Variants in DNAAF3 observed in about 807,000 individuals in gnomAD.
DNAAF3 encodes the protein dynein axonemal assembly factor 3.
In DNAAF3, 40 loss-of-function variants were observed where a neutral mutation model predicts 50.9. The ratio of observed to expected loss-of-function variants is 0.79; its 90% CI spans 0.61 to 1.02. The LOEUF (loss-of-function observed/expected upper bound fraction) is 1.02, where lower values mean the gene tolerates loss of function less well. Ranked by LOEUF, DNAAF3 falls within the 50% of genes least tolerant of loss-of-function variation. DNAAF3 has a pLI of 0.00. For missense variants in DNAAF3, 763 were observed against 744.7 expected (o/e 1.02, Z -0.29); for synonymous variants, 327 against 322.8 (o/e 1.01, Z -0.14).
rs1252911163 is a variant in DNAAF3, at chr19:55,166,543, G to A, written c.-25C>T. 13 of 1,613,906 alleles carry A rather than the reference G, an allele frequency of 8.1e-6. No individual in the cohort carries two copies. Among genetic ancestry groups the A allele is most frequent in the Non-Finnish European group, 1.1e-5 (13 of 1,180,012 alleles). ...CACACCTTTATCCTCCAAATATCCC[G>A]GGACGCCCCTTCCTCTCTGCTCAGT... On this transcript the variant is annotated 5_prime_UTR_variant, in exon 1 of 12. Transcript: ENST00000524407. The surrounding 1 kb of genome is among the most constrained non-coding windows in gnomAD (Gnocchi z 4.0).
rs1230806450 is a variant in DNAAF3, at chr19:55,160,416, G to C, written c.1048+224C>G. On this transcript the variant is annotated intron_variant, in intron 9 of 11. Transcript: ENST00000524407. The surrounding 1 kb of genome is among the most constrained non-coding windows in gnomAD (Gnocchi z 4.7). ...CCCAGCACCCTGTGAGAATATTCTT[G>C]GATAGCTTAGCCCTCTGCAGATAAG... is the stretch of plus-strand genomic sequence containing the variant. Among the ~76,000 whole-genome samples, 1 of 152,150 alleles carries C rather than the reference G, an allele frequency of 6.6e-6. No individual in the cohort carries two copies. Among genetic ancestry groups the C allele is most frequent in the Non-Finnish European group, 1.5e-5 (1 of 68,006 alleles).
Position 55,160,009 on chromosome 19 carries a change from G to A in DNAAF3, c.1053C>T (p.Ala351=). The A allele has an allele frequency of 6.3e-7, 1 of 1,596,058 alleles. No individual in the cohort carries two copies. The highest frequency in any genetic ancestry group is 8.6e-7 in the Non-Finnish European group (1 of 1,165,570). The change falls in exon 10 of 12, where the codon GCC becomes GCT. Residue 351 remains alanine (A), a synonymous_variant. Transcript: ENST00000524407. This position sits in a 1 kb window ranked among gnomAD's most constrained non-coding sequence, Gnocchi z 4.7. ...GGACGGTGAAAGATTCCGGGGTCGG[G>A]GCTGCTGGGGGAAGGGGATAGAGGG... The part of the protein sequence containing the change: ...EGSPEPGTPA[A]PTPESFTVHF...
At chr19:55,164,063 G>C (rs1307112651) in intron 4 of DNAAF3, among the ~76,000 whole-genome samples, 1 of 152,120 alleles carries the variant, frequency 6.6e-6, no homozygotes, top group Admixed American at 6.6e-5. Flanking sequence ...TGCCTCTCTT[G>C]CCCCTTTTCC....
In DNAAF3 at chr19:55,159,278, T is replaced by A; in HGVS notation, c.1410A>T (p.Glu470Asp). 1 of 1,614,004 alleles carries A rather than the reference T, an allele frequency of 6.2e-7. No homozygotes were observed. The highest frequency in any genetic ancestry group is 8.5e-7 in the Non-Finnish European group (1 of 1,180,026). ...SALGNTVPAV[E>D]PGTPPLDILA... Reference sequence around the variant, plus strand: ...GGATGTCAAGGGGCGGAGTTCCGGGTTCCACAGCTGGGACAGTGTTGCCCA... The same window carrying A: ...GGATGTCAAGGGGCGGAGTTCCGGGATCCACAGCTGGGACAGTGTTGCCCA... The change falls in exon 12 of 12, where the codon GAA (glutamate) becomes GAT (aspartate). Residue 470 changes from glutamate (E) to aspartate (D), a missense_variant. By Grantham distance (45) the Glu-to-Asp change is conservative. Coordinates refer to ENST00000524407, the MANE Select transcript of DNAAF3 (RefSeq NM_001256715.2).
At position 55,161,714 on chromosome 19, in the gene DNAAF3, G is replaced by A; in HGVS notation, c.592C>T (p.Leu198=). The A allele has an allele frequency of 6.5e-7, 1 of 1,541,556 alleles. No homozygotes were observed. Among genetic ancestry groups the A allele is most frequent in the Non-Finnish European group, 8.7e-7 (1 of 1,146,576 alleles). The part of the protein sequence containing the change: ...RLWDSRLRHY[L]GSRYDARRGV... Reference sequence around the variant, plus strand: ...CGCCGGGCGTCGTAGCGGGAGCCCAGGTAGTGGCGCAGGCGCGAGTCCCAG... The same window carrying A: ...CGCCGGGCGTCGTAGCGGGAGCCCAAGTAGTGGCGCAGGCGCGAGTCCCAG... The change falls in exon 6 of 12, where the codon CTG becomes TTG. Residue 198 remains leucine (L), a synonymous_variant. Coordinates refer to ENST00000524407, the MANE Select transcript of DNAAF3 (RefSeq NM_001256715.2). This position sits in a 1 kb window ranked among gnomAD's most constrained non-coding sequence, Gnocchi z 6.4.
chr19:55,163,086 T>C (rs1316704831), intron 4 of DNAAF3, among the ~76,000 whole-genome samples: 2 of 135,850 alleles, frequency 1.5e-5, no homozygotes, highest in Non-Finnish European at 3.1e-5. Flanking sequence ...CCCGGCTCAC[T>C]GCAAGCTCCG....
chr19:55,161,706 G>A lies in DNAAF3; in HGVS notation c.600C>T (p.Ser200=), dbSNP rs1388515393. Reference sequence around the variant, plus strand: ...TGACACCGCGCCGGGCGTCGTAGCGGGAGCCCAGGTAGTGGCGCAGGCGCG... The same window carrying A: ...TGACACCGCGCCGGGCGTCGTAGCGAGAGCCCAGGTAGTGGCGCAGGCGCG... ...WDSRLRHYLG[S]RYDARRGVSD... Residue 200 remains serine (S), a synonymous_variant, in exon 6 of 12, where the codon TCC becomes TCT. Coordinates refer to ENST00000524407, the MANE Select transcript of DNAAF3 (RefSeq NM_001256715.2). This position sits in a 1 kb window ranked among gnomAD's most constrained non-coding sequence, Gnocchi z 6.4. 5 of 1,541,474 alleles carry A rather than the reference G, an allele frequency of 3.2e-6. No individual in the cohort carries two copies. The East Asian group carries it at 9.8e-5, about 30-fold the overall frequency.
Position 55,166,313 on chromosome 19 carries a change from G to A in DNAAF3, c.85+16C>T. Reference sequence around the variant, plus strand: ...GAAGGCAGACGGTGTATCAGACCTTGCGTGCTGGGACTCACTTTCAGCCTG... The same window carrying A: ...GAAGGCAGACGGTGTATCAGACCTTACGTGCTGGGACTCACTTTCAGCCTG... On this transcript the variant is annotated intron_variant, in intron 2 of 11. Transcript: ENST00000524407. The surrounding 1 kb of genome is among the most constrained non-coding windows in gnomAD (Gnocchi z 4.0). The A allele has an allele frequency of 6.2e-7, 1 of 1,612,332 alleles. No homozygotes were observed.
At chr19:55,165,580 C>T in intron 3 of DNAAF3, 117 bp from the exon 4 acceptor site, 1 of 1,053,540 alleles carries the variant, frequency 9.5e-7, no homozygotes, top group African/African-American at 1.6e-5. Context: ...GTACACCAGC[C>T]TCTTCCTTCA....
rs753871688 is a variant in DNAAF3 at position 55,161,177 on chromosome 19, C to T, written c.800G>A (p.Arg267His). 5 of 1,568,954 alleles carry T rather than the reference C, an allele frequency of 3.2e-6. No homozygotes were observed. The highest frequency in any genetic ancestry group is 1.4e-5 in the African/African-American group (1 of 73,690). Residue 267 changes from arginine to histidine, a missense_variant, in exon 8 of 12, where the codon CGC becomes CAC. Coordinates refer to ENST00000524407, the MANE Select transcript of DNAAF3 (RefSeq NM_001256715.2). The surrounding 1 kb of genome is among the most constrained non-coding windows in gnomAD (Gnocchi z 6.4). ...SGRLLSYRGE[R>H]VAARGYWGDI... ...CCCCCAGTACCCGCGCGCTGCCACG[C>T]GCTCCCCACGCTGGAAAAGGAGGGA...
Position 55,158,945 on chromosome 19 carries a change from T to G in DNAAF3, c.*117A>C, listed in dbSNP as rs2085766826. On this transcript the variant is annotated 3_prime_UTR_variant, in exon 12 of 12. Transcript: ENST00000524407. The stretch of plus-strand genomic sequence containing the variant: ...CGGGGTGGGGGTGGCGGGTACTGAG[T>G]GGGAATGATTAGAATAAAATTGAGG... The G allele has an allele frequency of 4.1e-6, 5 of 1,209,412 alleles. No individual in the cohort carries two copies. The highest frequency in any genetic ancestry group is 5.2e-5 in the Admixed American group (2 of 38,488). The allele number at this position is 1,209,412 out of a possible 1,614,324, so 74.9% of individuals were successfully genotyped here.
At chr19:55,165,186 G>T (rs1315591240) in intron 4 of DNAAF3, among the ~76,000 whole-genome samples, 184 bp downstream of exon 4, 1 of 151,660 alleles carries the variant, frequency 6.6e-6, no homozygotes, top group Admixed American at 6.6e-5. Context: ...GTGAGCCACC[G>T]CGCCCGGCCG....
At chr19:55,163,632 C>G (rs368119453) in intron 4 of DNAAF3, among the ~76,000 whole-genome samples, 1 of 152,290 alleles carries the variant, frequency 6.6e-6, no homozygotes, top group Admixed American at 6.5e-5. Flanking sequence ...ATCCTTGGAT[C>G]TTGGTATCTG....
Position 55,161,412 on chromosome 19 carries a change from C to T in DNAAF3, c.670G>A (p.Val224Ile). Residue 224 changes from valine to isoleucine, a missense_variant, in exon 7 of 12, where the codon GTC becomes ATC. By Grantham distance (29) the Val-to-Ile change is conservative. Coordinates refer to ENST00000524407, the MANE Select transcript of DNAAF3 (RefSeq NM_001256715.2). The surrounding 1 kb of genome is among the most constrained non-coding windows in gnomAD (Gnocchi z 6.4). Reference sequence around the variant, plus strand: ...CGTCGGAACTCCTGGGGGTGAATGACTTGAGCCTGGGGTGGGGGGCGGGAA... The same window carrying T: ...CGTCGGAACTCCTGGGGGTGAATGATTTGAGCCTGGGGTGGGGGGCGGGAA... ...RMKLHDRGAQ[V>I]IHPQEFRRWR... is the part of the protein sequence containing the mutation. 1 of 1,532,278 alleles carries T rather than the reference C, an allele frequency of 6.5e-7. No homozygotes were observed. Among genetic ancestry groups the T allele is most frequent in the Non-Finnish European group, 8.8e-7 (1 of 1,142,812 alleles). 94.9% of individuals were successfully genotyped at this position (1,532,278 alleles called of 1,614,324 possible). A position where few individuals can be genotyped will look rare whatever the true frequency, so the allele number is the denominator to read the frequency against.
At position 55,161,595 on chromosome 19, in the gene DNAAF3, C is replaced by T. The variant is rs748484002; in HGVS notation, c.663+48G>A. ...TCAGGAGGCCCCCAGCCCCTCCTCC[C>T]TCAGACCCAGGGGTCCAGGCCCCCA... On this transcript the variant is annotated intron_variant, in intron 6 of 11. Transcript: ENST00000524407. The surrounding 1 kb of genome is among the most constrained non-coding windows in gnomAD (Gnocchi z 6.4). 3.3e-6 allele frequency: 5 copies of T among 1,502,342 alleles called. No individual in the cohort carries two copies. In the African/African-American group the frequency reaches 5.6e-5, roughly 17 times the overall value. The allele number at this position is 1,502,342 out of a possible 1,614,324, so 93.1% of individuals were successfully genotyped here.
At chr19:55,165,785 AG>A in intron 3 of DNAAF3, 72 bp downstream of exon 3, 1 of 1,559,388 alleles carries the variant, frequency 6.4e-7, no homozygotes, top group South Asian at 1.2e-5. Context: ...CCTGGACCTG[AG>A]GTTTTAGAAT....
At position 55,165,906 on chromosome 19, in the gene DNAAF3, C is replaced by A. The variant is rs761236489; in HGVS notation, c.180G>T (p.Leu60=). 8.1e-6 allele frequency: 13 copies of A among 1,614,232 alleles called. No individual in the cohort carries two copies. The highest frequency in any genetic ancestry group is 1.6e-4 in the Middle Eastern group (1 of 6,062). The change falls in exon 3 of 12, where the codon CTG becomes CTT. Residue 60 remains leucine (L), a synonymous_variant. Transcript: ENST00000524407. The part of the protein sequence containing the change: ...LLLGSVDGRH[L]LRTLSRAKFW... ...ACTTCGCTCGGGACAGGGTCCGCAG[C>A]AGGTGCCGTCCATCCACAGAGCCCA...
At position 55,166,142 on chromosome 19, in the gene DNAAF3, A is replaced by T; in HGVS notation, c.86-142T>A. The T allele has an allele frequency of 1.3e-6, 2 of 1,556,940 alleles. No individual in the cohort carries two copies. The highest frequency in any genetic ancestry group is 1.7e-6 in the Non-Finnish European group (2 of 1,151,390). On this transcript the variant is annotated intron_variant, in intron 2 of 11. Transcript: ENST00000524407. The surrounding 1 kb of genome is among the most constrained non-coding windows in gnomAD (Gnocchi z 4.0). ...CTAAGGGGAGGTGTTTCCTCTGAGTATTCTGGGATTCGCAGTCCGCAGACA... is the reference window on the plus strand; with the variant it reads ...CTAAGGGGAGGTGTTTCCTCTGAGTTTTCTGGGATTCGCAGTCCGCAGACA...
chr19:55,161,487 C>T lies in DNAAF3; in HGVS notation c.664-69G>A. The T allele has an allele frequency of 6.5e-7, 1 of 1,529,408 alleles. No individual in the cohort carries two copies. Among genetic ancestry groups the T allele is most frequent in the Admixed American group, 2.1e-5 (1 of 47,084 alleles). 94.7% of individuals were successfully genotyped at this position (1,529,408 alleles called of 1,614,324 possible). A position where few individuals can be genotyped will look rare whatever the true frequency, so the allele number is the denominator to read the frequency against. On this transcript the variant is annotated intron_variant, in intron 6 of 11. Coordinates refer to ENST00000524407, the MANE Select transcript of DNAAF3 (RefSeq NM_001256715.2). The surrounding 1 kb of genome is among the most constrained non-coding windows in gnomAD (Gnocchi z 6.4). ...CGTGGAGAGACCCCTACACCAGCCTCCCTCAGACCCAGGAGTCCAGGTCCC... is the reference window on the plus strand; with the variant it reads ...CGTGGAGAGACCCCTACACCAGCCTTCCTCAGACCCAGGAGTCCAGGTCCC...
Sources: gnomAD v4.1 joint callset for allele counts (sites outside exome capture counted in the v4.1 genomes callset) on GRCh38, gnomAD v4.1.1 for gene constraint, Gnocchi (gnomAD v3.1) non-coding constraint, MANE v1.5 for transcripts, NCBI Gene and HGNC (gene_info 2026-07-23, HGNC 2026-07-21) for gene names.